The following IPMK variants were observed in gnomAD, a reference collection of about 807,000 sequenced individuals.
IPMK encodes the protein inositol polyphosphate multikinase.
Under a neutral mutation model 45.8 loss-of-function variants are expected in IPMK, and 17 were observed. That is an observed-to-expected ratio of 0.37 (90% CI 0.25 to 0.56). IPMK has a LOEUF of 0.56. Ranked by LOEUF, IPMK falls within the 20% of genes least tolerant of loss-of-function variation. The pLI, the probability that IPMK is intolerant of heterozygous loss-of-function variation, is 0.79. For synonymous variants in IPMK, 180 were observed against 184.3 expected (o/e 0.98, Z 0.19); for missense variants, 399 against 498.0 (o/e 0.80, Z 1.89).
chr10:58,247,582 A>T (rs1227013648), intron 1 of IPMK, among the ~76,000 whole-genome samples: 1 of 151,222 alleles, frequency 6.6e-6, no homozygotes, highest in African/African-American at 2.5e-5. Flanking sequence ...ACATATTCTT[A>T]CTCATAGGTG....
chr10:58,201,823 C>G (rs989161640), intron 4 of IPMK, among the ~76,000 whole-genome samples: 3 of 152,138 alleles, frequency 2.0e-5, no homozygotes, highest in Admixed American at 2.0e-4. Context: ...ATTCAGAGTG[C>G]TAACTACAGT....
chr10:58,200,849 A>G (rs1485963867), intron 4 of IPMK, among the ~76,000 whole-genome samples: 1 of 152,154 alleles, frequency 6.6e-6, no homozygotes, highest in Non-Finnish European at 1.5e-5. Flanking sequence ...GGTAGATAAT[A>G]TTTGTACATA....
chr10:58,240,306 G>A (rs543909955), intron 1 of IPMK, among the ~76,000 whole-genome samples: 38 of 151,494 alleles, frequency 2.5e-4, no homozygotes, highest in African/African-American at 8.5e-4. Context: ...GAGGAACAGA[G>A]CAATGAACAT....
chr10:58,243,450 A>G (rs1588967464), intron 1 of IPMK, among the ~76,000 whole-genome samples: 1 of 152,056 alleles, frequency 6.6e-6, no homozygotes, highest in South Asian at 2.1e-4. Flanking sequence ...GCTTGCTGCA[A>G]CCTCGCTGCC....
intron 2 of IPMK, among the ~76,000 whole-genome samples, chr10:58,235,700 T>C (rs2132164180): frequency 1.3e-5 from 2 of 152,212 alleles, no homozygotes; most frequent in East Asian, 3.9e-4. Flanking sequence ...TTATGAGAAA[T>C]ACCTAATGTA....
chr10:58,237,730 A>G lies in IPMK; in HGVS notation c.275T>C (p.Met92Thr), dbSNP rs1484780955. Residue 92 changes from methionine (M) to threonine (T), a missense_variant and splice_region_variant, in exon 2 of 6, where the codon ATG (methionine) becomes ACG (threonine). Around this residue, in one of 2 missense-constraint regions of IPMK, gnomAD observed 288 missense variants for 398.0 expected, o/e 0.72. Transcript: ENST00000373935. ...CAAAACAAATCTTACCTCACTTACCATATTATAGAATTCCAGCTCTCTTGG... is the reference window on the plus strand; with the variant it reads ...CAAAACAAATCTTACCTCACTTACCGTATTATAGAATTCCAGCTCTCTTGG... ...RGPRELEFYN[M>T]VYAADCFDGV... 3.1e-6 allele frequency: 5 copies of G among 1,607,952 alleles called. No individual in the cohort carries two copies. In the South Asian group the frequency reaches 3.3e-5, roughly 11 times the overall value.
At chr10:58,227,691 T>A (rs1838440007) in intron 2 of IPMK, among the ~76,000 whole-genome samples, 1 of 152,214 alleles carries the variant, frequency 6.6e-6, no homozygotes, top group African/African-American at 2.4e-5. Context: ...AAAAAATCCT[T>A]TAACACAATG....
chr10:58,208,853 G>A (rs1838113184), intron 4 of IPMK, among the ~76,000 whole-genome samples: 1 of 152,232 alleles, frequency 6.6e-6, no homozygotes, highest in South Asian at 2.1e-4. Flanking sequence ...AGGCAGGTGA[G>A]TAGATGTAAT....
chr10:58,236,723 G>A (rs1343197786), intron 2 of IPMK, among the ~76,000 whole-genome samples: 1 of 151,894 alleles, frequency 6.6e-6, no homozygotes, highest in Non-Finnish European at 1.5e-5. Flanking sequence ...TGGACAACTG[G>A]TGAAACCCTC....
intron 2 of IPMK, among the ~76,000 whole-genome samples, chr10:58,229,320 C>T (rs1838469991): frequency 6.6e-6 from 1 of 151,982 alleles, no homozygotes; most frequent in African/African-American, 2.4e-5. Flanking sequence ...CTTTGGGAGG[C>T]TGAGGTAGGT....
chr10:58,233,215 G>A (rs947454645), intron 2 of IPMK, among the ~76,000 whole-genome samples: 1 of 152,148 alleles, frequency 6.6e-6, no homozygotes, highest in Non-Finnish European at 1.5e-5. Flanking sequence ...GGACCAGATG[G>A]ATTCACAGCC....
chr10:58,199,565 ACTAT>A (rs1837967937), intron 4 of IPMK, among the ~76,000 whole-genome samples: 1 of 152,334 alleles, frequency 6.6e-6, no homozygotes, highest in South Asian at 2.1e-4. Context: ...ATATGATAAA[ACTAT>A]CTACCTCAAC....
chr10:58,214,281 G>C (rs1044687483), intron 4 of IPMK, among the ~76,000 whole-genome samples: 2 of 152,212 alleles, frequency 1.3e-5, no homozygotes, highest in Admixed American at 1.3e-4. Flanking sequence ...AAAGAACAAT[G>C]AGGGAATAAA....
chr10:58,232,257 A>C (rs1838535863), intron 2 of IPMK, among the ~76,000 whole-genome samples: 1 of 152,216 alleles, frequency 6.6e-6, no homozygotes. Flanking sequence ...CCCACTGTCA[A>C]TATTAAGACA....
intron 5 of IPMK, among the ~76,000 whole-genome samples, chr10:58,198,098 A>G (rs1488147336): frequency 6.6e-6 from 1 of 152,222 alleles, no homozygotes; most frequent in Non-Finnish European, 1.5e-5. Context: ...GCTAACTAAA[A>G]CCTAGAGTCA....
At chr10:58,234,961 A>C (rs9416684) in intron 2 of IPMK, among the ~76,000 whole-genome samples, 51,402 of 151,966 alleles carry the variant, frequency 0.34, 10,926 homozygotes, top group African/African-American at 0.61. Context: ...AACTCAAATA[A>C]ATTTACTAGA....
chr10:58,260,862 T>G lies in IPMK; in HGVS notation c.190+6560A>C, dbSNP rs149290926. On this transcript the variant is annotated intron_variant, in intron 1 of 5. Coordinates refer to ENST00000373935, the MANE Select transcript of IPMK (RefSeq NM_152230.5). The stretch of plus-strand genomic sequence containing the variant: ...GATTCTCACCAAAGCTATCTACAGA[T>G]TCAAGGCAATGCCAAATAAAATCTC... Among the ~76,000 whole-genome samples the G allele has an allele frequency of 4.5e-4, 69 of 152,184 alleles. No homozygotes were observed. The East Asian group carries it at 0.012, about 26-fold the overall frequency.
intron 4 of IPMK, chr10:58,213,142 G>T (rs1010568650): frequency 5.3e-5 from 8 of 152,292 alleles, no homozygotes; most frequent in African/African-American, 1.9e-4. Flanking sequence ...GGGGAACCAT[G>T]GAAAAAGTTA....
chr10:58,200,874 G>A (rs1286336434), intron 4 of IPMK, among the ~76,000 whole-genome samples: 1 of 152,160 alleles, frequency 6.6e-6, no homozygotes, highest in African/African-American at 2.4e-5. Context: ...TGGGGCACAT[G>A]TGATATTTTT....
Sources: allele counts gnomAD v4.1 joint callset (sites outside exome capture counted in the v4.1 genomes callset), GRCh38; gene constraint gnomAD v4.1.1; regional missense constraint gnomAD v4.1.1; transcripts MANE v1.5; gene names NCBI Gene and HGNC (gene_info 2026-07-23, HGNC 2026-07-21).